The following ATF1 variants were observed in gnomAD, a reference collection of about 807,000 sequenced individuals.
The protein encoded by ATF1 is cyclic AMP-dependent transcription factor ATF-1.
In ATF1, 16 loss-of-function variants were observed where a neutral mutation model predicts 34.7. That is an observed-to-expected ratio of 0.46 (90% CI 0.31 to 0.70). The LOEUF (loss-of-function observed/expected upper bound fraction) is 0.70. ATF1 is among the 30% of genes least tolerant of loss of function. The probability of loss-of-function intolerance (pLI) is 0.05; values close to 1 mark genes in which losing one functional copy is unlikely to be tolerated. For synonymous variants in ATF1, 105 were observed against 113.1 expected, an observed-to-expected ratio of 0.93 and a Z score of 0.46; for missense variants, 255 against 321.6, an observed-to-expected ratio of 0.79 and a Z score of 1.58.
chr12:50,809,817 T>C (rs962290515), intron 4 of ATF1, among the ~76,000 whole-genome samples: 1 of 149,490 alleles, frequency 6.7e-6, no homozygotes, highest in East Asian at 2.0e-4. Context: ...CAACATTAGA[T>C]ACTGTTTTGT....
intron 3 of ATF1, among the ~76,000 whole-genome samples, chr12:50,801,690 A>C (rs1449765640): frequency 6.6e-6 from 1 of 152,260 alleles, no homozygotes; most frequent in Non-Finnish European, 1.5e-5. Context: ...AATGTAATAC[A>C]TCATATTAAT....
At chr12:50,808,830 C>G in intron 3 of ATF1, among the ~76,000 whole-genome samples, 1 of 151,716 alleles carries the variant, frequency 6.6e-6, no homozygotes, top group South Asian at 2.1e-4. Context: ...ACCTCCGCCT[C>G]CGGAATTCAA....
At chr12:50,803,151 C>G (rs1413569371) in intron 3 of ATF1, among the ~76,000 whole-genome samples, 1 of 151,418 alleles carries the variant, frequency 6.6e-6, no homozygotes, top group Non-Finnish European at 1.5e-5. Context: ...CACTTGTAAT[C>G]CCAGCTACTA....
chr12:50,793,853 ATAGTT>A (rs1255909596), intron 2 of ATF1, among the ~76,000 whole-genome samples: 2 of 152,128 alleles, frequency 1.3e-5, no homozygotes, highest in African/African-American at 4.8e-5. Flanking sequence ...TCATGTCTAA[ATAGTT>A]TAGGGGAAGG....
chr12:50,793,169 A>G (rs955761790), intron 2 of ATF1, among the ~76,000 whole-genome samples: 3 of 152,124 alleles, frequency 2.0e-5, no homozygotes, highest in Admixed American at 6.6e-5. Context: ...TAGTGTTTAT[A>G]TGGAAATTTT....
At chr12:50,771,226 G>A (rs1436492094) in intron 1 of ATF1, among the ~76,000 whole-genome samples, 3 of 151,966 alleles carry the variant, frequency 2.0e-5, no homozygotes, top group Non-Finnish European at 4.4e-5. Flanking sequence ...GGCTGGCCTC[G>A]AACTCCTGAC....
At chr12:50,794,694 AGG>A (rs1317886416) in intron 2 of ATF1, among the ~76,000 whole-genome samples, 2 of 152,100 alleles carry the variant, frequency 1.3e-5, no homozygotes, top group Non-Finnish European at 2.9e-5. Flanking sequence ...GCACTTTGGG[AGG>A]CCTGCTTGAG....
At chr12:50,767,286 G>C (rs1435734409) in intron 1 of ATF1, among the ~76,000 whole-genome samples, 1 of 151,472 alleles carries the variant, frequency 6.6e-6, no homozygotes, top group Non-Finnish European at 1.5e-5. Context: ...GGGAGGCTGA[G>C]GCTGGTGGAT....
At chr12:50,801,112 A>G (rs1211765449) in intron 3 of ATF1, among the ~76,000 whole-genome samples, 3 of 152,174 alleles carry the variant, frequency 2.0e-5, no homozygotes, top group African/African-American at 4.8e-5. Context: ...CCATCAATCA[A>G]TTTGATGGCT....
intron 3 of ATF1, among the ~76,000 whole-genome samples, chr12:50,798,971 T>G (rs1464841638): frequency 6.6e-6 from 1 of 152,152 alleles, no homozygotes; most frequent in Non-Finnish European, 1.5e-5. Context: ...CTGGTGCACA[T>G]GTGTAATAGA....
Position 50,765,222 on chromosome 12 carries a change from C to CA in ATF1, c.-7+916dup, listed in dbSNP as rs1182194008. On this transcript the variant is annotated intron_variant, in intron 1 of 6. Coordinates refer to ENST00000262053, the MANE Select transcript of ATF1 (RefSeq NM_005171.5). ...GCCTCACCTGTGATGAGTTCGTAGG[C>CA]ATTTATGTCTCAGAATGCATTTTAA... is the stretch of plus-strand genomic sequence containing the variant. 2.1e-4 allele frequency among the ~76,000 whole-genome samples: 32 copies of CA among 152,128 alleles called. 1 individual carries two copies. The highest frequency in any genetic ancestry group is 2.1e-3 in the Admixed American group (32 of 15,252).
intron 2 of ATF1, among the ~76,000 whole-genome samples, chr12:50,787,985 T>TA (rs1941220408): frequency 6.6e-6 from 1 of 152,144 alleles, no homozygotes; most frequent in Non-Finnish European, 1.5e-5. Flanking sequence ...GAGAGGTAAG[T>TA]ATTGTAGAGA....
At chr12:50,796,094 G>A (rs888557261) in intron 3 of ATF1, 85 bp downstream of exon 3, 3 of 1,096,754 alleles carry the variant, frequency 2.7e-6, no homozygotes, top group African/African-American at 1.6e-5. Flanking sequence ...CACTAAAGAA[G>A]TTAGCACGCG....
chr12:50,816,890 A>G (rs1295528261), intron 6 of ATF1, among the ~76,000 whole-genome samples: 1 of 152,164 alleles, frequency 6.6e-6, no homozygotes, highest in East Asian at 1.9e-4. Flanking sequence ...AAAACACACA[A>G]GTAGTTAATA....
rs1303499118 is a variant in ATF1, at chr12:50,819,824, A to G, written c.*45A>G. 2.1e-6 allele frequency: 3 copies of G among 1,430,372 alleles called. No individual in the cohort carries two copies. Among genetic ancestry groups the G allele is most frequent in the Non-Finnish European group, 2.9e-6 (3 of 1,046,762 alleles). The allele number at this position is 1,430,372 out of a possible 1,614,324, so 88.6% of individuals were successfully genotyped here. ...TTTTGTGGACATGCATAAAAATTAAATGGATTTCCTAGTGGAGTTTTATAA... is the reference window on the plus strand; with the variant it reads ...TTTTGTGGACATGCATAAAAATTAAGTGGATTTCCTAGTGGAGTTTTATAA... On this transcript the variant is annotated 3_prime_UTR_variant, in exon 7 of 7. Coordinates refer to ENST00000262053, the MANE Select transcript of ATF1 (RefSeq NM_005171.5).
chr12:50,774,277 C>T (rs1454032289), intron 1 of ATF1, among the ~76,000 whole-genome samples: 2 of 152,180 alleles, frequency 1.3e-5, no homozygotes, highest in Non-Finnish European at 2.9e-5. Context: ...TCAGGTGTTT[C>T]ACCCACCTCG....
At chr12:50,774,263 G>T (rs942559666) in intron 1 of ATF1, among the ~76,000 whole-genome samples, 1 of 152,156 alleles carries the variant, frequency 6.6e-6, no homozygotes, top group African/African-American at 2.4e-5. Flanking sequence ...TTGAACTCCT[G>T]ACCTCAGGTG....
At chr12:50,813,062 T>TA (rs1941770145) in intron 4 of ATF1, among the ~76,000 whole-genome samples, 3 of 152,242 alleles carry the variant, frequency 2.0e-5, no homozygotes, top group Non-Finnish European at 4.4e-5. Context: ...GGCATTCGAT[T>TA]CTGAAGAGTA....
chr12:50,809,692 T>C (rs1047378845), intron 4 of ATF1, 103 bp downstream of exon 4: 3 of 1,230,266 alleles, frequency 2.4e-6, no homozygotes, highest in Non-Finnish European at 2.2e-6. Context: ...TAGTGATGAT[T>C]ATTAAAGGAT....
Sources: allele counts gnomAD v4.1 joint callset (sites outside exome capture counted in the v4.1 genomes callset), GRCh38; gene constraint gnomAD v4.1.1; transcripts MANE v1.5; gene names NCBI Gene and HGNC (gene_info 2026-07-23, HGNC 2026-07-21).